The following WASF3 variants were observed in gnomAD, a reference collection of about 807,000 sequenced individuals.
The protein encoded by WASF3 is WASP family member 3.
WASF3 carries 11 observed loss-of-function variants against 46.6 expected under a neutral mutation model. The observed-to-expected ratio is 0.24, with a 90% CI of 0.15 to 0.39. WASF3 has a LOEUF of 0.39. Ranked by LOEUF, WASF3 falls within the 10% of genes least tolerant of loss-of-function variation. The pLI, the probability that WASF3 is intolerant of heterozygous loss-of-function variation, is 1.00. For synonymous variants in WASF3, 242 were observed against 259.7 expected (o/e 0.93, Z 0.65); for missense variants, 576 against 669.8 (o/e 0.86, Z 1.55).
intron 2 of WASF3, among the ~76,000 whole-genome samples, chr13:26,630,908 C>A (rs1425678467): frequency 2.0e-5 from 3 of 152,138 alleles, no homozygotes; most frequent in Non-Finnish European, 4.4e-5. Context: ...CTCTGATGGC[C>A]AGTGATGATG....
intron 3 of WASF3, among the ~76,000 whole-genome samples, chr13:26,653,555 A>T (rs897858843): frequency 6.6e-6 from 1 of 152,198 alleles, no homozygotes; most frequent in Non-Finnish European, 1.5e-5. Context: ...TGTTACTGGC[A>T]TGCGACTCAC....
chr13:26,553,416 CT>C (rs1168543943), upstream of WASF3, among the ~76,000 whole-genome samples: 2 of 151,896 alleles, frequency 1.3e-5, no homozygotes, highest in Admixed American at 1.3e-4. Context: ...CACGGCTCTG[CT>C]TGTACACTAG....
At chr13:26,564,061 T>C (rs1003140841) in intron 1 of WASF3, among the ~76,000 whole-genome samples, 7 of 152,142 alleles carry the variant, frequency 4.6e-5, no homozygotes, top group Admixed American at 4.6e-4. Flanking sequence ...TTTTCTTCCT[T>C]TTAGTTTTTC....
chr13:26,577,101 T>C, intron 1 of WASF3: 1 of 796,608 alleles, frequency 1.3e-6, no homozygotes, highest in African/African-American at 1.7e-5. Context: ...TGAGTCTTGC[T>C]GATTTGCAGA....
intron 3 of WASF3, among the ~76,000 whole-genome samples, chr13:26,663,145 A>G (rs747542347): frequency 4.6e-5 from 7 of 152,162 alleles, no homozygotes; most frequent in Non-Finnish European, 8.8e-5. Flanking sequence ...AGCTGTCACA[A>G]TGACACCATT....
rs572381379 is a variant in WASF3 at position 26,681,488 on chromosome 13, C to T, written c.983+168C>T. ...CATTCTGTGTGAAATAAAGCAGGTGCAGCATAAGCTCAGACTTACAGTTGA... is the reference window on the plus strand; with the variant it reads ...CATTCTGTGTGAAATAAAGCAGGTGTAGCATAAGCTCAGACTTACAGTTGA... On this transcript the variant is annotated intron_variant, in intron 8 of 9. Coordinates refer to ENST00000335327, the MANE Select transcript of WASF3 (RefSeq NM_006646.6). 1.2e-4 allele frequency among the ~76,000 whole-genome samples: 19 copies of T among 152,316 alleles called. No homozygotes were observed. The East Asian group carries it at 2.3e-3, about 19-fold the overall frequency.
chr13:26,612,844 T>C (rs1881019947), intron 1 of WASF3, 117 bp from the exon 2 acceptor site: 1 of 152,222 alleles, frequency 6.6e-6, no homozygotes, highest in African/African-American at 2.4e-5. Context: ...AAAGAACTAG[T>C]TCAGGGATTA....
At chr13:26,562,029 C>G (rs541123003) in intron 1 of WASF3, among the ~76,000 whole-genome samples, 1 of 152,264 alleles carries the variant, frequency 6.6e-6, no homozygotes, top group African/African-American at 2.4e-5. Context: ...ACATTAAGTA[C>G]TTACGTTTTT....
At chr13:26,670,931 G>T (rs936758836) in intron 5 of WASF3, among the ~76,000 whole-genome samples, 1 of 152,098 alleles carries the variant, frequency 6.6e-6, no homozygotes, top group Non-Finnish European at 1.5e-5. Context: ...ACAGACCTTT[G>T]TTTTCTTCTG....
chr13:26,576,883 A>G lies in WASF3; in HGVS notation c.-109+19064A>G, dbSNP rs116826898. 1,143 of 726,968 alleles carry G rather than the reference A, an allele frequency of 1.6e-3. 16 individuals carry two copies. The African/African-American group carries it at 0.018, about 12-fold the overall frequency. The allele number at this position is 726,968 out of a possible 1,614,324, so 45.0% of individuals were successfully genotyped here. ...CCGCCCTTTTGGCTCTCTGAGCAGC[A>G]CCATGGCTGTTGGCAAGAACAAACG... On this transcript the variant is annotated intron_variant, in intron 1 of 9. Transcript: ENST00000335327.
At chr13:26,549,921 A>G in the WASF3 span, among the ~76,000 whole-genome samples, 4 of 152,344 alleles carry the variant, frequency 2.6e-5, no homozygotes, top group South Asian at 4.1e-4. Context: ...GGTGGCTTAT[A>G]TAACTCCACC....
intron 2 of WASF3, among the ~76,000 whole-genome samples, chr13:26,616,871 A>G (rs890282778): frequency 4.6e-5 from 7 of 152,168 alleles, no homozygotes; most frequent in African/African-American, 1.7e-4. Context: ...GGTGTAGTCA[A>G]AGGCCTCACC....
chr13:26,682,483 A>G lies in WASF3; in HGVS notation c.984-124A>G, dbSNP rs868310484. The stretch of plus-strand genomic sequence containing the variant: ...AAGGTGTGCATGTTTGCATCCTGCC[A>G]TGATTGAAGTTCAGGTGACAATACG... On this transcript the variant is annotated intron_variant, in intron 8 of 9. Transcript: ENST00000335327. This position sits in a 1 kb window ranked among gnomAD's most constrained non-coding sequence, Gnocchi z 4.4. The G allele has an allele frequency of 3.5e-6, 4 of 1,136,234 alleles. No individual in the cohort carries two copies. The highest frequency in any genetic ancestry group is 2.1e-4 in the Middle Eastern group (1 of 4,868). 70.4% of individuals were successfully genotyped at this position (1,136,234 alleles called of 1,614,324 possible).
the WASF3 span, among the ~76,000 whole-genome samples, chr13:26,542,011 G>T: frequency 6.6e-6 from 1 of 152,154 alleles, no homozygotes; most frequent in Admixed American, 6.5e-5. Context: ...TGCCTGACAT[G>T]CTGTGGTACA....
intron 1 of WASF3, among the ~76,000 whole-genome samples, chr13:26,576,320 T>G (rs1315170585): frequency 6.6e-6 from 1 of 152,190 alleles, no homozygotes; most frequent in Admixed American, 6.5e-5. Context: ...CACTCCTGTT[T>G]CATTACTTTC....
intron 1 of WASF3, among the ~76,000 whole-genome samples, chr13:26,569,092 G>C (rs569131329): frequency 6.6e-6 from 1 of 152,066 alleles, no homozygotes; most frequent in Non-Finnish European, 1.5e-5. Context: ...TCTATAATGG[G>C]GTGTCTAGAT....
intron 3 of WASF3, among the ~76,000 whole-genome samples, chr13:26,651,146 A>G (rs1208146951): frequency 6.6e-6 from 1 of 151,974 alleles, no homozygotes; most frequent in Non-Finnish European, 1.5e-5. Context: ...ACATGATGAA[A>G]CCCCAACTCT....
At chr13:26,619,303 T>G (rs967638792) in intron 2 of WASF3, among the ~76,000 whole-genome samples, 1 of 152,182 alleles carries the variant, frequency 6.6e-6, no homozygotes, top group African/African-American at 2.4e-5. Flanking sequence ...GAAATGGAGA[T>G]TGTTGTTCTT....
At chr13:26,651,172 A>G (rs1452052317) in intron 3 of WASF3, among the ~76,000 whole-genome samples, 1 of 152,126 alleles carries the variant, frequency 6.6e-6, no homozygotes, top group Admixed American at 6.5e-5. Context: ...AAATACAAAA[A>G]TTAGGCTGGT....
Sources: allele counts gnomAD v4.1 joint callset (sites outside exome capture counted in the v4.1 genomes callset), GRCh38; gene constraint gnomAD v4.1.1; non-coding constraint Gnocchi (gnomAD v3.1); transcripts MANE v1.5; gene names NCBI Gene and HGNC (gene_info 2026-07-23, HGNC 2026-07-21).